Variants in SIM2 observed in about 807,000 individuals in gnomAD.
SIM2 encodes the protein SIM bHLH transcription factor 2, also known as single-minded homolog 2.
In SIM2, 28 loss-of-function variants were observed where a neutral mutation model predicts 64.8. The ratio of observed to expected loss-of-function variants is 0.43; its 90% confidence interval spans 0.32 to 0.59. The LOEUF (loss-of-function observed/expected upper bound fraction) is 0.59, where lower values mean the gene tolerates loss of function less well. Among genes scored for constraint, SIM2 ranks in the 20% least tolerant of loss-of-function variants. SIM2 has a pLI of 0.07. For synonymous variants in SIM2, 408 were observed against 391.1 expected (o/e 1.04, Z -0.51); for missense variants, 847 against 871.4 (o/e 0.97, Z 0.35).
chr21:36,716,297 G>A (rs537055594), intron 3 of SIM2, among the ~76,000 whole-genome samples: 1 of 152,252 alleles, frequency 6.6e-6, no homozygotes, highest in African/African-American at 2.4e-5. Flanking sequence ...CTTGGGTTAA[G>A]TTTCCTCACC....
At chr21:36,714,134 A>G (rs1185973621) in intron 3 of SIM2, among the ~76,000 whole-genome samples, 1 of 152,220 alleles carries the variant, frequency 6.6e-6, no homozygotes, top group African/African-American at 2.4e-5. Flanking sequence ...TTATTCTCTG[A>G]ATTTTTATCT....
At chr21:36,705,005 G>A (rs1326379994) in intron 1 of SIM2, among the ~76,000 whole-genome samples, 1 of 152,238 alleles carries the variant, frequency 6.6e-6, no homozygotes, top group Non-Finnish European at 1.5e-5. Flanking sequence ...GGGGAAAGGA[G>A]GCTTAGAGGC....
chr21:36,699,636 G>A lies in SIM2; in HGVS notation c.-111G>A. ...CGCACCTGCCCGCGGCCCACTCCGC[G>A]GACTCACCTGGCTCCCGGCTCCCCC... On this transcript the variant is annotated 5_prime_UTR_variant, in exon 1 of 11. Transcript: ENST00000290399. The surrounding 1 kb of genome is among the most constrained non-coding windows in gnomAD (Gnocchi z 5.6). The A allele has an allele frequency of 1.6e-6, 2 of 1,267,336 alleles. No homozygotes were observed. The highest frequency in any genetic ancestry group is 2.1e-6 in the Non-Finnish European group (2 of 945,418). 78.5% of individuals were successfully genotyped at this position (1,267,336 alleles called of 1,614,324 possible).
chr21:36,703,217 C>T (rs2088529581), intron 1 of SIM2, among the ~76,000 whole-genome samples: 1 of 152,182 alleles, frequency 6.6e-6, no homozygotes, highest in Non-Finnish European at 1.5e-5. Flanking sequence ...GTGTGCAAGG[C>T]AGAGGGAGAC....
At chr21:36,707,912 C>G (rs1197940158) in intron 1 of SIM2, among the ~76,000 whole-genome samples, 1 of 151,252 alleles carries the variant, frequency 6.6e-6, no homozygotes, top group Non-Finnish European at 1.5e-5. Flanking sequence ...GTTCAGTGCT[C>G]GCGGCACCAC....
At chr21:36,731,210 G>A in intron 7 of SIM2, 59 bp downstream of exon 7, 1 of 1,260,154 alleles carries the variant, frequency 7.9e-7, no homozygotes. Flanking sequence ...AGGCGCTGAG[G>A]ACAGAGCCGG....
At chr21:36,723,006 G>C in intron 4 of SIM2, 39 bp from the exon 5 acceptor site, 1 of 1,530,644 alleles carries the variant, frequency 6.5e-7, no homozygotes, top group Non-Finnish European at 9.1e-7. Context: ...GGGAAGCACG[G>C]AGGGACAGCT....
At chr21:36,702,675 C>T (rs2088518775) in intron 1 of SIM2, among the ~76,000 whole-genome samples, 1 of 152,174 alleles carries the variant, frequency 6.6e-6, no homozygotes, top group Non-Finnish European at 1.5e-5. Context: ...AACCTCTTCT[C>T]AGGGGACCTG....
intron 9 of SIM2, among the ~76,000 whole-genome samples, chr21:36,744,313 A>G (rs1031332243): frequency 2.1e-5 from 3 of 145,920 alleles, no homozygotes; most frequent in Admixed American, 6.9e-5. Flanking sequence ...CATTATGACA[A>G]AAAAAAAAAA....
rs190687195 is a variant in SIM2, at chr21:36,729,833, C to T, written c.744-1212C>T. The stretch of plus-strand genomic sequence containing the variant: ...CGTTGCCACGTGCAGCTTCCACCTA[C>T]GGCCAGAGCGATCCTGATGCGGGTG... On this transcript the variant is annotated intron_variant, in intron 6 of 10. Coordinates refer to ENST00000290399, the MANE Select transcript of SIM2 (RefSeq NM_005069.6). 1.2e-3 allele frequency among the ~76,000 whole-genome samples: 186 copies of T among 152,306 alleles called. 1 individual carries two copies. Among genetic ancestry groups the T allele is most frequent in the South Asian group, 8.5e-3 (41 of 4,828 alleles).
In SIM2 at chr21:36,749,442, A is replaced by G. The variant is rs1238764920; in HGVS notation, c.*1350A>G. 10 of 119,610 alleles carry G rather than the reference A, an allele frequency of 8.4e-5. No homozygotes were observed. The highest frequency in any genetic ancestry group is 3.2e-4 in the Admixed American group (4 of 12,458). 7.4% of individuals were successfully genotyped at this position (119,610 alleles called of 1,614,324 possible). A position where few individuals can be genotyped will look rare whatever the true frequency, so the allele number is the denominator to read the frequency against. ...CTACACCAACTGCTCTCAAAATGTG[A>G]ACTGACTTTTTTTTTTTTTTTTTTG... is the stretch of plus-strand genomic sequence containing the variant. On this transcript the variant is annotated 3_prime_UTR_variant, in exon 11 of 11. Coordinates refer to ENST00000290399, the MANE Select transcript of SIM2 (RefSeq NM_005069.6).
Position 36,749,744 on chromosome 21 carries a change from T to G in SIM2, c.*1652T>G, listed in dbSNP as rs1330566845. On this transcript the variant is annotated 3_prime_UTR_variant, in exon 11 of 11. Coordinates refer to ENST00000290399, the MANE Select transcript of SIM2 (RefSeq NM_005069.6). ...CCGTGATTCTTGAAAGGTGTAGGTT[T>G]GATTACTAGGAGATACCACCGACAT... 6.6e-6 allele frequency: 1 copy of G among 152,222 alleles called. No individual in the cohort carries two copies. The highest frequency in any genetic ancestry group is 6.5e-5 in the Admixed American group (1 of 15,282). 9.4% of individuals were successfully genotyped at this position (152,222 alleles called of 1,614,324 possible).
intron 7 of SIM2, among the ~76,000 whole-genome samples, chr21:36,732,237 C>T (rs2088980037): frequency 6.6e-6 from 1 of 152,222 alleles, no homozygotes; most frequent in Non-Finnish European, 1.5e-5. Flanking sequence ...GAGTGGAATG[C>T]CTCATCCTCC....
In SIM2 at chr21:36,740,041, A is replaced by C. The variant is rs950580781; in HGVS notation, c.851-1676A>C. Among the ~76,000 whole-genome samples the C allele has an allele frequency of 3.4e-5, 5 of 147,114 alleles. No individual in the cohort carries two copies. In the South Asian group the frequency reaches 6.6e-4, roughly 19 times the overall value. On this transcript the variant is annotated intron_variant, in intron 7 of 10. Coordinates refer to ENST00000290399, the MANE Select transcript of SIM2 (RefSeq NM_005069.6). ...AAAGAAAGAAAGAAAGAAAGAAAGA[A>C]AGAAAGAAAGAAAGAAAGAGAAAAT...
chr21:36,745,719 G>GAC lies in SIM2; in HGVS notation c.1576+589_1576+590dup. On this transcript the variant is annotated intron_variant, in intron 10 of 10. Coordinates refer to ENST00000290399, the MANE Select transcript of SIM2 (RefSeq NM_005069.6). The surrounding 1 kb of genome is among the most constrained non-coding windows in gnomAD (Gnocchi z 4.8). Reference sequence around the variant, plus strand: ...GTGATGTGCCTACTCCCAAGGACACGACACACAGTAGGGACCTGCCCTGTA... The same window carrying GAC: ...GTGATGTGCCTACTCCCAAGGACACGACACACACAGTAGGGACCTGCCCTGTA... 1.2e-5 allele frequency: 15 copies of GAC among 1,269,920 alleles called. No individual in the cohort carries two copies. The highest frequency in any genetic ancestry group is 1.6e-5 in the Non-Finnish European group (15 of 962,872). The allele number at this position is 1,269,920 out of a possible 1,614,324, so 78.7% of individuals were successfully genotyped here.
rs181607658 is a variant in SIM2, at chr21:36,729,231, T to C, written c.744-1814T>C. ...CTCTTTCATCCCCACACGGTAGAGATGCCTGGTTTTCTTTTTGGGGGAAAA... is the reference window on the plus strand; with the variant it reads ...CTCTTTCATCCCCACACGGTAGAGACGCCTGGTTTTCTTTTTGGGGGAAAA... On this transcript the variant is annotated intron_variant, in intron 6 of 10. Coordinates refer to ENST00000290399, the MANE Select transcript of SIM2 (RefSeq NM_005069.6). Among the ~76,000 whole-genome samples the C allele has an allele frequency of 7.9e-4, 120 of 152,346 alleles. 2 individuals carry two copies. The Middle Eastern group carries it at 0.017, about 22-fold the overall frequency.
intron 4 of SIM2, among the ~76,000 whole-genome samples, chr21:36,722,000 GATTTTCTCCCCAGCTGCTCC>G (rs1329115185): frequency 3.9e-5 from 6 of 152,062 alleles, no homozygotes; most frequent in Admixed American, 3.9e-4. Context: ...CCAAGTGCTC[GATTTTCTCCCCAGCTGCTCC>G]ATTTTCTCCC....
rs1268446401 is a variant in SIM2 at position 36,748,023 on chromosome 21, C to T, written c.1935C>T (p.Ala645=). The T allele has an allele frequency of 5.1e-6, 6 of 1,175,980 alleles. No individual in the cohort carries two copies. Among genetic ancestry groups the T allele is most frequent in the Non-Finnish European group, 6.3e-6 (6 of 953,088 alleles). 72.8% of individuals were successfully genotyped at this position (1,175,980 alleles called of 1,614,324 possible). A position where few individuals can be genotyped will look rare whatever the true frequency, so the allele number is the denominator to read the frequency against. The change falls in exon 11 of 11, where the codon GCC becomes GCT. Residue 645 remains alanine (A), a synonymous_variant. Transcript: ENST00000290399. ...GGCTCCGGCACCCGAGCCCCGCCGC[C>T]ACCTCCCCGCCCGGCGCGCCCCTGC... is the stretch of plus-strand genomic sequence containing the variant. ...ALRLRHPSPA[A]TSPPGAPLPH...
intron 7 of SIM2, among the ~76,000 whole-genome samples, chr21:36,735,184 GC>G (rs1266654007): frequency 6.6e-6 from 1 of 152,136 alleles, no homozygotes; most frequent in Non-Finnish European, 1.5e-5. Flanking sequence ...CTCTCAGGGG[GC>G]CTTGATTGCC....
Sources: gnomAD v4.1 joint callset for allele counts (sites outside exome capture counted in the v4.1 genomes callset) on GRCh38, gnomAD v4.1.1 for gene constraint, Gnocchi (gnomAD v3.1) non-coding constraint, MANE v1.5 for transcripts, NCBI Gene and HGNC (gene_info 2026-07-23, HGNC 2026-07-21) for gene names.